BAZ2B: variants seen among roughly 807,000 people sequenced by gnomAD.
The protein encoded by BAZ2B is bromodomain adjacent to zinc finger domain protein 2B.
In BAZ2B, 91 loss-of-function variants were observed where a neutral mutation model predicts 246.0. The ratio of observed to expected loss-of-function variants is 0.37; its 90% CI spans 0.31 to 0.44. BAZ2B has a LOEUF of 0.44. BAZ2B is among the 20% of genes least tolerant of loss of function. The probability of loss-of-function intolerance (pLI) is 1.00; values close to 1 mark genes in which losing one functional copy is unlikely to be tolerated. For synonymous variants in BAZ2B, 855 were observed against 860.0 expected, an observed-to-expected ratio of 0.99 and a Z score of 0.10; for missense variants, 2,332 against 2,533.7, an observed-to-expected ratio of 0.92 and a Z score of 1.71.
At chr2:159,636,649 T>G in the BAZ2B span, among the ~76,000 whole-genome samples, 1 of 152,146 alleles carries the variant, frequency 6.6e-6, no homozygotes, top group Non-Finnish European at 1.5e-5. Context: ...CAAATCCTAA[T>G]GCTAGGCTGG....
chr2:159,442,008 G>C (rs974132310), intron 6 of BAZ2B, among the ~76,000 whole-genome samples: 2 of 152,066 alleles, frequency 1.3e-5, no homozygotes, highest in African/African-American at 4.8e-5. Context: ...GGGATACAAG[G>C]GTGTGAGAAA....
intron 20 of BAZ2B, 38 bp from the exon 21 acceptor site, chr2:159,389,523 C>T: frequency 6.7e-7 from 1 of 1,501,996 alleles, no homozygotes; most frequent in Non-Finnish European, 8.9e-7. Context: ...TCTTCTTAAT[C>T]ATTATATATG....
chr2:159,336,976 T>G lies in BAZ2B; in HGVS notation c.5762A>C (p.Lys1921Thr), dbSNP rs1211735857. Reference protein sequence around the residue: ...QVALCIQQLQKSIAWEKSIMK... With the variant: ...QVALCIQQLQTSIAWEKSIMK... ...AATTGATTTTTCCCATGCTATTGAT[T>G]TCTGTAATTGCTGAATGCACAGAGC... Residue 1921 changes from lysine to threonine, a missense_variant, in exon 33 of 37, where the codon AAA (lysine) becomes ACA (threonine). Lys to Thr is a moderately conservative substitution (Grantham distance 78). Transcript: ENST00000392783. 1 of 1,609,384 alleles carries G rather than the reference T, an allele frequency of 6.2e-7. No individual in the cohort carries two copies. Among genetic ancestry groups the G allele is most frequent in the Admixed American group, 1.7e-5 (1 of 59,746 alleles).
At chr2:159,697,625 T>C in the BAZ2B span, among the ~76,000 whole-genome samples, 1 of 152,296 alleles carries the variant, frequency 6.6e-6, no homozygotes, top group South Asian at 2.1e-4. Context: ...ATAACAATTT[T>C]GGCTTTTTTT....
At chr2:159,407,544 T>A (rs1320339883) in intron 14 of BAZ2B, among the ~76,000 whole-genome samples, 1 of 152,192 alleles carries the variant, frequency 6.6e-6, no homozygotes, top group African/African-American at 2.4e-5. Context: ...AAAGTTTAAA[T>A]GCCTTAAGAT....
intron 13 of BAZ2B, among the ~76,000 whole-genome samples, chr2:159,422,531 G>A (rs1343084945): frequency 1.3e-5 from 2 of 152,124 alleles, no homozygotes; most frequent in Non-Finnish European, 2.9e-5. Context: ...TGGGATAACT[G>A]GCTAGACATA....
chr2:159,510,453 G>A (rs1232362524), intron 2 of BAZ2B, among the ~76,000 whole-genome samples: 3 of 152,172 alleles, frequency 2.0e-5, no homozygotes, highest in Non-Finnish European at 4.4e-5. Flanking sequence ...TCAGGCATGA[G>A]CCACTGCATC....
At chr2:159,665,967 G>A in the BAZ2B span, among the ~76,000 whole-genome samples, 1 of 152,148 alleles carries the variant, frequency 6.6e-6, no homozygotes, top group Non-Finnish European at 1.5e-5. Flanking sequence ...GTTGACTAAT[G>A]ATGTTGGGCA....
chr2:159,430,400 T>C lies in BAZ2B; in HGVS notation c.2194+463A>G, dbSNP rs145897314. Among the ~76,000 whole-genome samples the C allele has an allele frequency of 1.9e-3, 282 of 152,326 alleles. 2 individuals carry two copies. Among genetic ancestry groups the C allele is most frequent in the African/African-American group, 6.3e-3 (263 of 41,582 alleles). On this transcript the variant is annotated intron_variant, in intron 10 of 36. Transcript: ENST00000392783. ...TTGTAAGAATACAGTATATAACACATACAACATACGTTAATTGACTATTCA... is the reference window on the plus strand; with the variant it reads ...TTGTAAGAATACAGTATATAACACACACAACATACGTTAATTGACTATTCA...
chr2:159,350,049 G>T lies in BAZ2B; in HGVS notation c.4522C>A (p.Leu1508Met). ...LSYQNSGKHS[L>M]GSVQSTATQS... ...GTTGCTGTTGACTGAACGCTGCCCA[G>T]TGAATGTTTTCCACTGTTCTGATAA... The change falls in exon 28 of 37, where the codon CTG becomes ATG. Residue 1508 changes from leucine to methionine, a missense_variant. Physicochemically the swap from Leu to Met is conservative, Grantham distance 15 (BLOSUM62 2). Coordinates refer to ENST00000392783, the MANE Select transcript of BAZ2B (RefSeq NM_013450.4). The T allele has an allele frequency of 6.8e-6, 11 of 1,614,162 alleles. No individual in the cohort carries two copies. The highest frequency in any genetic ancestry group is 9.3e-6 in the Non-Finnish European group (11 of 1,180,008).
intron 8 of BAZ2B, among the ~76,000 whole-genome samples, chr2:159,436,307 T>C (rs1194436311): frequency 1.3e-5 from 2 of 152,202 alleles, no homozygotes; most frequent in Non-Finnish European, 2.9e-5. Context: ...CAATAAGTTT[T>C]TAAAAATAGC....
intron 3 of BAZ2B, among the ~76,000 whole-genome samples, chr2:159,472,779 G>T (rs2150824088): frequency 6.6e-6 from 1 of 152,262 alleles, no homozygotes; most frequent in South Asian, 2.1e-4. Context: ...TTATGTGATG[G>T]ATTACGTTTA....
intron 2 of BAZ2B, among the ~76,000 whole-genome samples, chr2:159,552,370 A>G (rs923398173): frequency 1.3e-5 from 2 of 152,252 alleles, no homozygotes; most frequent in Non-Finnish European, 2.9e-5. Flanking sequence ...TGTTTAGGAT[A>G]TATCACTGAA....
At chr2:159,390,693 T>C (rs1434878178) in intron 20 of BAZ2B, among the ~76,000 whole-genome samples, 1 of 152,164 alleles carries the variant, frequency 6.6e-6, no homozygotes, top group Non-Finnish European at 1.5e-5. Context: ...GAAAAATTGC[T>C]AGCAGTTTCA....
intron 2 of BAZ2B, among the ~76,000 whole-genome samples, chr2:159,507,203 G>A (rs2082422040): frequency 6.6e-6 from 1 of 152,106 alleles, no homozygotes. Context: ...AAATGGTTTT[G>A]AGAACAAAAA....
intron 27 of BAZ2B, among the ~76,000 whole-genome samples, chr2:159,355,950 C>T (rs2059066088): frequency 6.6e-6 from 1 of 152,314 alleles, no homozygotes; most frequent in East Asian, 1.9e-4. Flanking sequence ...AATGGTGCAC[C>T]CTGGCCCAGA....
Position 159,448,392 on chromosome 2 carries a change from T to C in BAZ2B, c.352A>G (p.Thr118Ala). 3 of 1,586,838 alleles carry C rather than the reference T, an allele frequency of 1.9e-6. No individual in the cohort carries two copies. Among genetic ancestry groups the C allele is most frequent in the East Asian group, 2.3e-5 (1 of 43,500 alleles). Residue 118 changes from threonine (T) to alanine (A), a missense_variant, in exon 5 of 37, where the codon ACA becomes GCA. Thr to Ala is a moderately conservative substitution (Grantham distance 58). Around this residue, in one of 9 missense-constraint regions of BAZ2B, gnomAD observed 242 missense variants for 237.4 expected, o/e 1.02. Transcript: ENST00000392783. ...ASFPGAEWWRTTDAHTRTGAT... is the reference protein window; with the variant it reads ...ASFPGAEWWRATDAHTRTGAT... ...CCTGTACGAGTATGAGCATCAGTTG[T>C]TCGCCACCATTCTGCACCTCAAAAC... is the stretch of plus-strand genomic sequence containing the variant.
the BAZ2B span, chr2:159,670,593 C>G: frequency 3.3e-5 from 5 of 152,088 alleles, no homozygotes; most frequent in Admixed American, 3.3e-4. Flanking sequence ...TGTATTACAT[C>G]TGCATACATT....
chr2:159,365,526 C>A (rs1308211080), intron 27 of BAZ2B, among the ~76,000 whole-genome samples: 2 of 152,182 alleles, frequency 1.3e-5, no homozygotes, highest in African/African-American at 4.8e-5. Flanking sequence ...GTTCATATTA[C>A]AGACAAATGG....
Sources: gnomAD v4.1 joint callset for allele counts (sites outside exome capture counted in the v4.1 genomes callset) on GRCh38, gnomAD v4.1.1 for gene constraint, gnomAD v4.1.1 regional missense constraint, MANE v1.5 for transcripts, NCBI Gene and HGNC (gene_info 2026-07-23, HGNC 2026-07-21) for gene names.